The following MAP2K6 variants were observed in gnomAD, a reference collection of about 807,000 sequenced individuals.
The protein encoded by MAP2K6 is mitogen-activated protein kinase kinase 6, also known as dual specificity mitogen-activated protein kinase kinase 6.
MAP2K6 carries 16 observed loss-of-function variants against 53.7 expected under a neutral mutation model. The ratio of observed to expected loss-of-function variants is 0.30; its 90% CI spans 0.20 to 0.45. MAP2K6 has a LOEUF of 0.45. Among genes scored for constraint, MAP2K6 ranks in the 20% least tolerant of loss-of-function variants. The pLI, the probability that MAP2K6 is intolerant of heterozygous loss-of-function variation, is 1.00. For missense variants in MAP2K6, 204 were observed against 411.9 expected (o/e 0.50, Z 4.37); for synonymous variants, 132 against 143.1 (o/e 0.92, Z 0.55).
At chr17:69,538,109 A>G (rs746809744) in intron 11 of MAP2K6, among the ~76,000 whole-genome samples, 2 of 152,158 alleles carry the variant, frequency 1.3e-5, no homozygotes, top group African/African-American at 2.4e-5. Flanking sequence ...GGCTCAAACA[A>G]TCCCCCGGCC....
intron 2 of MAP2K6, among the ~76,000 whole-genome samples, chr17:69,514,976 A>G (rs1910064893): frequency 6.6e-6 from 1 of 152,140 alleles, no homozygotes; most frequent in Non-Finnish European, 1.5e-5. Flanking sequence ...TTTCTCTCTC[A>G]CTTTCATCTT....
chr17:69,550,381 G>A lies in MAP2K6; in HGVS notation c.*8628G>A, dbSNP rs1379804612. The A allele has an allele frequency of 6.6e-6, 1 of 152,146 alleles. No homozygotes were observed. Among genetic ancestry groups the A allele is most frequent in the African/African-American group, 2.4e-5 (1 of 41,432 alleles). 9.4% of individuals were successfully genotyped at this position (152,146 alleles called of 1,614,324 possible). A position where few individuals can be genotyped will look rare whatever the true frequency, so the allele number is the denominator to read the frequency against. ...CAGAGGGCAGACATTTTTAAGAAAG[G>A]TGAATGTTAGAGAAGGTTACCTGAT... On this transcript the variant is annotated 3_prime_UTR_variant, in exon 12 of 12. Coordinates refer to ENST00000590474, the MANE Select transcript of MAP2K6 (RefSeq NM_002758.4).
chr17:69,450,701 A>T (rs974538941), intron 1 of MAP2K6, among the ~76,000 whole-genome samples: 1 of 144,012 alleles, frequency 6.9e-6, no homozygotes, highest in Non-Finnish European at 1.5e-5. Flanking sequence ...AGTGGGGCCA[A>T]TTTTTTTTTT....
intron 1 of MAP2K6, among the ~76,000 whole-genome samples, chr17:69,488,566 T>C (rs1041728121): frequency 6.6e-6 from 1 of 152,096 alleles, no homozygotes; most frequent in African/African-American, 2.4e-5. Flanking sequence ...GTGGTACATA[T>C]ACACCGTGAA....
At position 69,414,937 on chromosome 17, in the gene MAP2K6, A is replaced by T. The variant is rs2145120168; in HGVS notation, c.-48A>T. ...GCAAAACTAGCTACAGAAGAGAAGC[A>T]AGGCAAAGTCTTTTGTGCTCCCCTC... On this transcript the variant is annotated 5_prime_UTR_variant, in exon 1 of 12. Transcript: ENST00000590474. 6.6e-7 allele frequency: 1 copy of T among 1,520,446 alleles called. No homozygotes were observed. The highest frequency in any genetic ancestry group is 2.3e-5 in the East Asian group (1 of 44,402). 94.2% of individuals were successfully genotyped at this position (1,520,446 alleles called of 1,614,324 possible).
Position 69,520,257 on chromosome 17 carries a change from A to C in MAP2K6, c.367-13A>C. The C allele has an allele frequency of 7.4e-7, 1 of 1,353,260 alleles. No individual in the cohort carries two copies. 83.8% of individuals were successfully genotyped at this position (1,353,260 alleles called of 1,614,324 possible). A position where few individuals can be genotyped will look rare whatever the true frequency, so the allele number is the denominator to read the frequency against. On this transcript the variant is annotated splice_polypyrimidine_tract_variant and intron_variant, in intron 5 of 11. Coordinates refer to ENST00000590474, the MANE Select transcript of MAP2K6 (RefSeq NM_002758.4). ...CATCCTTTTAAACAATTCCTGAAAC[A>C]ATTGGTCTCCAGGGTGATGTGTGGA... is the stretch of plus-strand genomic sequence containing the variant.
At chr17:69,439,371 T>A (rs1288973749) in intron 1 of MAP2K6, among the ~76,000 whole-genome samples, 1 of 152,258 alleles carries the variant, frequency 6.6e-6, no homozygotes. Flanking sequence ...TCTCTGTATG[T>A]GTCCTTTCAT....
chr17:69,488,862 A>C (rs943506407), intron 1 of MAP2K6, among the ~76,000 whole-genome samples: 2 of 152,126 alleles, frequency 1.3e-5, no homozygotes, highest in African/African-American at 4.8e-5. Flanking sequence ...CAGCATCATA[A>C]AATATACCCA....
chr17:69,546,725 T>C lies in MAP2K6; in HGVS notation c.*4972T>C, dbSNP rs1459306702. 3.9e-5 allele frequency: 6 copies of C among 152,200 alleles called. No homozygotes were observed. The highest frequency in any genetic ancestry group is 8.8e-5 in the Non-Finnish European group (6 of 68,032). The allele number at this position is 152,200 out of a possible 1,614,324, so 9.4% of individuals were successfully genotyped here. A position where few individuals can be genotyped will look rare whatever the true frequency, so the allele number is the denominator to read the frequency against. ...AGTAAAATGGATTAAATGTCAATTG[T>C]GCTGGGATTTTGCCTTAACATCTAT... is the stretch of plus-strand genomic sequence containing the variant. On this transcript the variant is annotated 3_prime_UTR_variant, in exon 12 of 12. Coordinates refer to ENST00000590474, the MANE Select transcript of MAP2K6 (RefSeq NM_002758.4).
intron 1 of MAP2K6, among the ~76,000 whole-genome samples, chr17:69,459,969 C>T (rs1051493289): frequency 2.6e-5 from 4 of 150,984 alleles, no homozygotes; most frequent in Non-Finnish European, 5.9e-5. Flanking sequence ...CTTCTCCCTG[C>T]CTTCCACCTT....
chr17:69,537,678 C>T (rs1911423945), intron 11 of MAP2K6, among the ~76,000 whole-genome samples: 1 of 152,212 alleles, frequency 6.6e-6, no homozygotes, highest in South Asian at 2.1e-4. Context: ...CATTTTGCAA[C>T]TGGATGAATT....
rs1911778689 is a variant in MAP2K6 at position 69,544,025 on chromosome 17, T to G, written c.*2272T>G. ...ATTGGTGTTTTTTTGTTTTGTTTTG[T>G]TTTTTACACACCTTCATGTGATTCT... On this transcript the variant is annotated 3_prime_UTR_variant, in exon 12 of 12. Coordinates refer to ENST00000590474, the MANE Select transcript of MAP2K6 (RefSeq NM_002758.4). 6.6e-6 allele frequency: 1 copy of G among 152,074 alleles called. No homozygotes were observed. Among genetic ancestry groups the G allele is most frequent in the South Asian group, 2.1e-4 (1 of 4,830 alleles). The allele number at this position is 152,074 out of a possible 1,614,324, so 9.4% of individuals were successfully genotyped here.
chr17:69,449,827 A>C (rs1907148685), intron 1 of MAP2K6, among the ~76,000 whole-genome samples: 1 of 149,960 alleles, frequency 6.7e-6, no homozygotes, highest in Non-Finnish European at 1.5e-5. Context: ...GTTAGCCAGG[A>C]TGGTCTCGAT....
At chr17:69,509,909 A>C (rs1909727597) in intron 2 of MAP2K6, among the ~76,000 whole-genome samples, 1 of 151,986 alleles carries the variant, frequency 6.6e-6, no homozygotes, top group Non-Finnish European at 1.5e-5. Context: ...AGGTGTGATC[A>C]TGGCTCACTG....
intron 4 of MAP2K6, 58 bp from the exon 5 acceptor site, chr17:69,519,255 C>A: frequency 6.4e-7 from 1 of 1,566,830 alleles, no homozygotes; most frequent in Non-Finnish European, 8.6e-7. Context: ...TCCTTCAGGT[C>A]CCTGCCTGCC....
chr17:69,453,393 G>C (rs537896791), intron 1 of MAP2K6, among the ~76,000 whole-genome samples: 14 of 152,338 alleles, frequency 9.2e-5, no homozygotes, highest in South Asian at 8.3e-4. Context: ...TGGTGGGCCA[G>C]ATTTGGCCCT....
intron 3 of MAP2K6, 128 bp from the exon 4 acceptor site, chr17:69,517,372 A>T: frequency 2.0e-6 from 1 of 502,880 alleles, no homozygotes; most frequent in Middle Eastern, 5.5e-4. Context: ...CTGCTTTGAC[A>T]TGCTAGAAAA....
intron 1 of MAP2K6, among the ~76,000 whole-genome samples, chr17:69,482,708 A>G (rs929576425): frequency 2.0e-5 from 3 of 151,998 alleles, no homozygotes; most frequent in East Asian, 1.9e-4. Context: ...GACAGTTGTT[A>G]TTACAGACAA....
At chr17:69,419,788 G>A (rs757450755) in intron 1 of MAP2K6, among the ~76,000 whole-genome samples, 3 of 152,002 alleles carry the variant, frequency 2.0e-5, no homozygotes, top group South Asian at 2.1e-4. Flanking sequence ...TTAGTCAGGC[G>A]TGGTGGTGCA....
Sources: allele counts gnomAD v4.1 joint callset (sites outside exome capture counted in the v4.1 genomes callset), GRCh38; gene constraint gnomAD v4.1.1; transcripts MANE v1.5; gene names NCBI Gene and HGNC (gene_info 2026-07-23, HGNC 2026-07-21).